ZNF562: variants seen among roughly 807,000 people sequenced by gnomAD.
ZNF562 encodes zinc finger protein 562.
In ZNF562, 13 loss-of-function variants were observed where a neutral mutation model predicts 17.5. The ratio of observed to expected loss-of-function variants is 0.74; its 90% CI spans 0.48 to 1.18. The LOEUF is 1.18. Among genes scored for constraint, ZNF562 ranks in the 50% most tolerant of loss-of-function variants. The pLI is 0.00. For synonymous variants in ZNF562, 163 were observed against 165.4 expected, an observed-to-expected ratio of 0.99 and a Z score of 0.11; for missense variants, 481 against 498.5, an observed-to-expected ratio of 0.96 and a Z score of 0.33.
intron 2 of ZNF562, among the ~76,000 whole-genome samples, chr19:9,660,178 G>C (rs1376004907): frequency 6.6e-6 from 1 of 151,156 alleles, no homozygotes; most frequent in African/African-American, 2.4e-5. Flanking sequence ...CAAGAGAATT[G>C]CTTGAACCCA....
At chr19:9,663,971 T>A (rs938892358) in intron 1 of ZNF562, among the ~76,000 whole-genome samples, 8 of 152,102 alleles carry the variant, frequency 5.3e-5, no homozygotes, top group Non-Finnish European at 1.2e-4. Context: ...GCCAGGCTGG[T>A]CTTGAACTCC....
chr19:9,669,734 G>GCGCGCGCACACACACA (rs1221319747), intron 1 of ZNF562, among the ~76,000 whole-genome samples: 1 of 109,302 alleles, frequency 9.1e-6, no homozygotes, highest in African/African-American at 3.6e-5. Context: ...GCGCGCGCGC[G>GCGCGCGCACACACACA]CACACACACA....
intron 1 of ZNF562, among the ~76,000 whole-genome samples, chr19:9,665,068 A>G (rs549702309): frequency 6.6e-6 from 1 of 151,628 alleles, no homozygotes; most frequent in Admixed American, 6.6e-5. Flanking sequence ...CTGAAAATAC[A>G]AACATTAGCT....
chr19:9,664,605 T>C (rs1301565613), intron 1 of ZNF562, among the ~76,000 whole-genome samples: 1 of 152,212 alleles, frequency 6.6e-6, no homozygotes, highest in Non-Finnish European at 1.5e-5. Flanking sequence ...GATGTAATCA[T>C]ATATGTGATC....
Position 9,672,609 on chromosome 19 carries a change from T to C in ZNF562, c.-131+2406A>G. On this transcript the variant is annotated intron_variant, in intron 1 of 5. Transcript: ENST00000453372. ...ACAGATACTAGATATTTTATTACAC[T>C]GATACTAGAATACTATTCTGATTAT... Among the ~76,000 whole-genome samples, 2 of 152,118 alleles carry C rather than the reference T, an allele frequency of 1.3e-5. 1 individual carries two copies. The highest frequency in any genetic ancestry group is 2.9e-5 in the Non-Finnish European group (2 of 68,030).
intron 1 of ZNF562, among the ~76,000 whole-genome samples, chr19:9,662,944 G>A (rs558829582): frequency 6.6e-6 from 1 of 151,716 alleles, no homozygotes; most frequent in Non-Finnish European, 1.5e-5. Context: ...AACCCGGGAG[G>A]TGCCCACCTC....
intron 1 of ZNF562, among the ~76,000 whole-genome samples, chr19:9,671,665 C>G (rs966284242): frequency 4.6e-5 from 7 of 152,180 alleles, no homozygotes; most frequent in African/African-American, 1.7e-4. Context: ...GCACTTGGTC[C>G]ACCTGATCCA....
At chr19:9,656,871 A>AAAAAATAT (rs376933513) in intron 4 of ZNF562, among the ~76,000 whole-genome samples, 1 of 142,440 alleles carries the variant, frequency 7.0e-6, no homozygotes, top group African/African-American at 2.6e-5. Context: ...AAAATACAAA[A>AAAAAATAT]ATATATATAT....
chr19:9,656,675 G>A lies in ZNF562; in HGVS notation c.242-22C>T, dbSNP rs766178131. The A allele has an allele frequency of 4.4e-6, 7 of 1,603,940 alleles. No individual in the cohort carries two copies. The African/African-American group carries it at 8.0e-5, about 18-fold the overall frequency. ...AAATCTAAGGGTTTAGAGAAGAAATGTGTTAGTTTAAAATTAGTCATTTGT... is the reference window on the plus strand; with the variant it reads ...AAATCTAAGGGTTTAGAGAAGAAATATGTTAGTTTAAAATTAGTCATTTGT... On this transcript the variant is annotated intron_variant, in intron 4 of 5. Transcript: ENST00000453372.
intron 1 of ZNF562, among the ~76,000 whole-genome samples, chr19:9,670,466 T>C (rs73501254): frequency 6.6e-6 from 1 of 151,920 alleles, no homozygotes; most frequent in Non-Finnish European, 1.5e-5. Flanking sequence ...AAAGAAAATA[T>C]GGTATATATA....
chr19:9,655,635 G>C (rs548043355), intron 5 of ZNF562, among the ~76,000 whole-genome samples: 1 of 149,348 alleles, frequency 6.7e-6, no homozygotes, highest in African/African-American at 2.5e-5. Flanking sequence ...GGTCAGGCTG[G>C]TCTCAAAGTG....
At chr19:9,656,847 A>G (rs999035926) in intron 4 of ZNF562, among the ~76,000 whole-genome samples, 194 bp from the exon 5 acceptor site, 8 of 148,548 alleles carry the variant, frequency 5.4e-5, no homozygotes, top group Non-Finnish European at 1.0e-4. Context: ...AAATGGTGAA[A>G]CCCTCTCTCT....
chr19:9,663,552 G>C (rs550100025), intron 1 of ZNF562, among the ~76,000 whole-genome samples: 22 of 152,082 alleles, frequency 1.4e-4, no homozygotes, highest in African/African-American at 4.8e-4. Context: ...CATCACACTG[G>C]TTGACTGTGT....
At position 9,653,805 on chromosome 19, in the gene ZNF562, G is replaced by A. The variant is rs761919802; in HGVS notation, c.425C>T (p.Thr142Ile). 10 of 1,613,422 alleles carry A rather than the reference G, an allele frequency of 6.2e-6. No homozygotes were observed. In the African/African-American group the frequency reaches 9.4e-5, roughly 15 times the overall value. ...EVFSEQFCLK[T>I]HMRAQNGGNT... The stretch of plus-strand genomic sequence containing the variant: ...CCCTCCATTCTGAGCTCTCATGTGT[G>A]TCTTAAGGCAAAACTGTTCACTGAA... The change falls in exon 6 of 6, where the codon ACA becomes ATA. Residue 142 changes from threonine (T) to isoleucine (I), a missense_variant. Around this residue, in one of 2 missense-constraint regions of ZNF562, gnomAD observed 403 missense variants for 386.4 expected, o/e 1.04. Transcript: ENST00000453372.
chr19:9,669,860 G>C (rs995755681), intron 1 of ZNF562, among the ~76,000 whole-genome samples: 1 of 151,876 alleles, frequency 6.6e-6, no homozygotes, highest in Admixed American at 6.6e-5. Flanking sequence ...TCAGGAGTTT[G>C]AGACCAGCCT....
chr19:9,666,009 TAAA>T (rs765492049), intron 1 of ZNF562, among the ~76,000 whole-genome samples: 1 of 135,460 alleles, frequency 7.4e-6, no homozygotes, highest in African/African-American at 2.7e-5. Context: ...ACCTAGTCTT[TAAA>T]AAAAAAAAAA....
intron 1 of ZNF562, among the ~76,000 whole-genome samples, chr19:9,662,666 G>T (rs1250706411): frequency 1.3e-5 from 2 of 151,954 alleles, no homozygotes; most frequent in Admixed American, 6.6e-5. Context: ...CAGACCACAA[G>T]GTCAGGAGAT....
intron 3 of ZNF562, chr19:9,658,345 C>T (rs565361369): frequency 2.0e-6 from 2 of 983,640 alleles, no homozygotes; most frequent in East Asian, 1.1e-4. Context: ...CACTTTTTTT[C>T]TTTCTTTCTT....
rs529962872 is a variant in ZNF562 at position 9,665,885 on chromosome 19, G to A, written c.-130-5011C>T. 4.1e-4 allele frequency among the ~76,000 whole-genome samples: 63 copies of A among 151,828 alleles called. 1 individual carries two copies. The highest frequency in any genetic ancestry group is 1.7e-3 in the South Asian group (8 of 4,798). ...ACAAAAAGTAGCCAGGTGTGATGGCGTGCACCTCACCTACTTAGGAGACTG... is the reference window on the plus strand; with the variant it reads ...ACAAAAAGTAGCCAGGTGTGATGGCATGCACCTCACCTACTTAGGAGACTG... On this transcript the variant is annotated intron_variant, in intron 1 of 5. Coordinates refer to ENST00000453372, the MANE Select transcript of ZNF562 (RefSeq NM_001130031.2).
Sources: gnomAD v4.1 joint callset for allele counts (sites outside exome capture counted in the v4.1 genomes callset) on GRCh38, gnomAD v4.1.1 for gene constraint, gnomAD v4.1.1 regional missense constraint, MANE v1.5 for transcripts, NCBI Gene and HGNC (gene_info 2026-07-23, HGNC 2026-07-21) for gene names.